SPRY3: variants seen among roughly 807,000 people sequenced by gnomAD.
SPRY3 encodes sprouty RTK signaling antagonist 3, also known as protein sprouty homolog 3.
A neutral mutation model predicts 20.2 loss-of-function variants in SPRY3; 15 were observed. The ratio of observed to expected loss-of-function variants is 0.74; its 90% CI spans 0.50 to 1.14. SPRY3 has a LOEUF of 1.14. SPRY3 is among the 50% of genes most tolerant of loss of function. SPRY3 has a pLI of 0.00. For missense variants in SPRY3, 364 were observed against 363.9 expected (o/e 1.00, Z 0.00); for synonymous variants, 143 against 136.5 (o/e 1.05, Z -0.33).
intron 2 of SPRY3, among the ~76,000 whole-genome samples, chrX:155,720,781 C>T (rs1014006820): frequency 6.6e-6 from 1 of 152,138 alleles, no homozygotes. Flanking sequence ...ACCCCCAAGT[C>T]TTACCAATAT....
chrX:155,779,975 CA>C, downstream of SPRY3: 1 of 166,962 alleles, frequency 6.0e-6, no homozygotes, highest in South Asian at 2.1e-4. Context: ...TTTTCACTCT[CA>C]AAGATAAGAT....
intron 2 of SPRY3, among the ~76,000 whole-genome samples, chrX:155,707,070 A>T (rs2090956788): frequency 6.7e-6 from 1 of 150,020 alleles, no homozygotes; most frequent in Non-Finnish European, 1.5e-5. Flanking sequence ...CTAGTTTCTG[A>T]AGGTGGAAGT....
At chrX:155,730,075 G>T (rs1185717506) in intron 2 of SPRY3, among the ~76,000 whole-genome samples, 2 of 151,992 alleles carry the variant, frequency 1.3e-5, no homozygotes, top group African/African-American at 4.8e-5. Flanking sequence ...GAAATGCCTG[G>T]GACCCAATGG....
At chrX:155,743,165 A>C (rs749715724) in intron 2 of SPRY3, among the ~76,000 whole-genome samples, 1 of 152,236 alleles carries the variant, frequency 6.6e-6, no homozygotes, top group South Asian at 2.1e-4. Context: ...AATACAAACA[A>C]CCATCGGAAA....
At chrX:155,639,373 T>C (rs1378194447) in intron 1 of SPRY3, among the ~76,000 whole-genome samples, 2 of 112,112 alleles carry the variant, frequency 1.8e-5, no homozygotes, top group Admixed American at 1.9e-4. Context: ...GTAATAACAC[T>C]TAACATGGGA....
At chrX:155,705,352 C>T (rs1164267056) in intron 2 of SPRY3, among the ~76,000 whole-genome samples, 1 of 151,172 alleles carries the variant, frequency 6.6e-6, no homozygotes, top group East Asian at 1.9e-4. Context: ...TCTGGGAAGG[C>T]ACTAAATTTT....
intron 1 of SPRY3, among the ~76,000 whole-genome samples, chrX:155,646,583 T>G (rs2067958481): frequency 9.0e-6 from 1 of 111,462 alleles, no homozygotes; most frequent in Non-Finnish European, 1.9e-5. Flanking sequence ...TTAGTTTCCT[T>G]TTTTGGATGG....
At chrX:155,767,730 GGAGGA>G (rs1029130601) in intron 2 of SPRY3, 2 of 66,920 alleles carry the variant, frequency 3.0e-5, no homozygotes, top group African/African-American at 8.3e-5. Flanking sequence ...AAGAGGAGGA[GGAGGA>G]GAGAGAGGAG....
chrX:155,679,049 GC>G (rs1043281415), intron 2 of SPRY3, among the ~76,000 whole-genome samples: 6 of 110,835 alleles, frequency 5.4e-5, no homozygotes, highest in Admixed American at 3.9e-4. Context: ...GCCTGTAGGG[GC>G]GTGGGGGGCT....
At chrX:155,649,831 C>G (rs1217885707) in intron 1 of SPRY3, among the ~76,000 whole-genome samples, 3 of 111,405 alleles carry the variant, frequency 2.7e-5, no homozygotes, top group Non-Finnish European at 5.7e-5. Context: ...GTCAAATTAT[C>G]TCTGTTTGCA....
At chrX:155,745,132 T>C (rs1348049428) in intron 2 of SPRY3, among the ~76,000 whole-genome samples, 2 of 152,078 alleles carry the variant, frequency 1.3e-5, no homozygotes, top group Non-Finnish European at 2.9e-5. Flanking sequence ...GAGAAAACTA[T>C]CTTTCCCCAA....
chrX:155,753,093 T>C (rs1026086162), intron 2 of SPRY3, among the ~76,000 whole-genome samples: 7 of 151,900 alleles, frequency 4.6e-5, no homozygotes, highest in Non-Finnish European at 7.4e-5. Flanking sequence ...AAAACAGCTT[T>C]ATTGAAACAT....
chrX:155,780,781 C>A, downstream of SPRY3: 1 of 166,588 alleles, frequency 6.0e-6, no homozygotes. Context: ...AGGCCCCAGG[C>A]CTTTCTTAAT....
At chrX:155,753,214 A>G (rs1224083024) in intron 2 of SPRY3, among the ~76,000 whole-genome samples, 4 of 151,878 alleles carry the variant, frequency 2.6e-5, no homozygotes, top group Non-Finnish European at 2.9e-5. Flanking sequence ...GTTTTCATCA[A>G]CCCAAAAAGA....
chrX:155,716,773 T>G (rs920399736), intron 2 of SPRY3, among the ~76,000 whole-genome samples: 2 of 151,582 alleles, frequency 1.3e-5, no homozygotes, highest in Non-Finnish European at 2.9e-5. Context: ...CAGCAAATGA[T>G]TCGACAAAAT....
chrX:155,621,462 G>A (rs2067870848), intron 1 of SPRY3, among the ~76,000 whole-genome samples: 2 of 111,478 alleles, frequency 1.8e-5, no homozygotes, highest in African/African-American at 6.5e-5. Context: ...TACTCACATT[G>A]TCTACTCCAT....
chrX:155,710,779 A>G (rs1367972254), intron 2 of SPRY3, among the ~76,000 whole-genome samples: 3 of 151,828 alleles, frequency 2.0e-5, no homozygotes, highest in Admixed American at 6.6e-5. Context: ...CCCATTCACT[A>G]TAATACTAGC....
intron 2 of SPRY3, among the ~76,000 whole-genome samples, chrX:155,687,415 T>C (rs1019739397): frequency 8.9e-6 from 1 of 112,680 alleles, no homozygotes; most frequent in African/African-American, 3.2e-5. Flanking sequence ...TTAGAACTCA[T>C]ATTTACAACT....
At chrX:155,634,557 C>A (rs1444867177) in intron 1 of SPRY3, among the ~76,000 whole-genome samples, 3 of 111,714 alleles carry the variant, frequency 2.7e-5, no homozygotes, top group African/African-American at 9.8e-5. Context: ...TGCTGAAGAT[C>A]CAGTTGTGAC....
Sources: gnomAD v4.1 joint callset for allele counts (sites outside exome capture counted in the v4.1 genomes callset) on GRCh38, gnomAD v4.1.1 for gene constraint, MANE v1.5 for transcripts, NCBI Gene and HGNC (gene_info 2026-07-23, HGNC 2026-07-21) for gene names.